The following XIRP2 variants were observed in gnomAD, a reference collection of about 807,000 sequenced individuals.
XIRP2 encodes the protein xin actin-binding repeat-containing protein 2.
A neutral mutation model predicts 277.0 loss-of-function variants in XIRP2; 236 were observed. The ratio of observed to expected loss-of-function variants is 0.85; its 90% confidence interval spans 0.77 to 0.95. The LOEUF is 0.95. Ranked by LOEUF, XIRP2 falls within the 40% of genes least tolerant of loss-of-function variation. The pLI is 0.00. For missense variants in XIRP2, 4,640 were observed against 4,157.5 expected, an observed-to-expected ratio of 1.12 and a Z score of -3.19; for synonymous variants, 1,490 against 1,416.5, an observed-to-expected ratio of 1.05 and a Z score of -1.17.
chr2:166,971,187 TA>T (rs897540608), intron 2 of XIRP2, among the ~76,000 whole-genome samples: 5 of 152,040 alleles, frequency 3.3e-5, no homozygotes, highest in African/African-American at 9.7e-5. Flanking sequence ...TTAAATTAAT[TA>T]AAAAATTAAT....
chr2:166,981,237 T>C (rs1329278967), intron 2 of XIRP2, among the ~76,000 whole-genome samples: 1 of 152,154 alleles, frequency 6.6e-6, no homozygotes, highest in Non-Finnish European at 1.5e-5. Context: ...CAAGGTGTTA[T>C]CAGGGCTATG....
intron 2 of XIRP2, among the ~76,000 whole-genome samples, chr2:166,924,034 C>T (rs1685123329): frequency 6.6e-6 from 1 of 151,664 alleles, no homozygotes; most frequent in Non-Finnish European, 1.5e-5. Context: ...ACAGATATGC[C>T]CTGAAAAAAA....
chr2:166,924,876 A>G (rs971661107), intron 2 of XIRP2, among the ~76,000 whole-genome samples: 2 of 152,066 alleles, frequency 1.3e-5, no homozygotes, highest in African/African-American at 4.8e-5. Flanking sequence ...GTTCCATAGA[A>G]CTACCATTTA....
At chr2:166,942,879 A>G (rs927060694) in intron 2 of XIRP2, among the ~76,000 whole-genome samples, 1 of 152,190 alleles carries the variant, frequency 6.6e-6, no homozygotes, top group Admixed American at 6.5e-5. Context: ...ATAATTAACA[A>G]CATCAAAATA....
At chr2:167,127,138 A>T (rs971869396) in intron 2 of XIRP2, among the ~76,000 whole-genome samples, 3 of 152,042 alleles carry the variant, frequency 2.0e-5, no homozygotes, top group African/African-American at 7.2e-5. Flanking sequence ...TTTTTTTCTT[A>T]AACTCCCTGC....
chr2:167,171,688 C>A (rs139557895), intron 3 of XIRP2, among the ~76,000 whole-genome samples: 432 of 152,152 alleles, frequency 2.8e-3, no homozygotes, highest in African/African-American at 9.3e-3. Context: ...GAATTTATTT[C>A]TTCCTTAGTT....
chr2:167,184,671 G>C, intron 3 of XIRP2: 1 of 711,758 alleles, frequency 1.4e-6, no homozygotes. Context: ...GAATTGTACT[G>C]CTTCTGGGTC....
chr2:167,110,440 G>A (rs1028094144), intron 2 of XIRP2, among the ~76,000 whole-genome samples: 1 of 152,074 alleles, frequency 6.6e-6, no homozygotes, highest in Non-Finnish European at 1.5e-5. Flanking sequence ...TTTCTTCATT[G>A]CTTGTTTTTG....
At chr2:166,914,372 G>A (rs1325829912) in intron 2 of XIRP2, among the ~76,000 whole-genome samples, 17 of 152,148 alleles carry the variant, frequency 1.1e-4, no homozygotes, top group Admixed American at 5.2e-4. Flanking sequence ...ATGGAGTCTC[G>A]CTCTGTCACC....
intron 2 of XIRP2, among the ~76,000 whole-genome samples, chr2:167,042,316 C>T (rs1311587756): frequency 6.6e-6 from 1 of 152,118 alleles, no homozygotes; most frequent in Admixed American, 6.5e-5. Context: ...AACATAATGA[C>T]AGGATCAAAT....
intron 2 of XIRP2, among the ~76,000 whole-genome samples, chr2:167,029,894 A>T (rs573064900): frequency 6.6e-6 from 1 of 151,944 alleles, no homozygotes; most frequent in Non-Finnish European, 1.5e-5. Context: ...CTTGTTATTC[A>T]TCAGTTCAGG....
intron 2 of XIRP2, among the ~76,000 whole-genome samples, chr2:167,132,752 C>T (rs1174120065): frequency 4.6e-5 from 7 of 152,132 alleles, no homozygotes; most frequent in Non-Finnish European, 1.0e-4. Flanking sequence ...CTGGAAAGCT[C>T]TTCACGTAGT....
chr2:167,161,012 G>T (rs1692347462), intron 3 of XIRP2, among the ~76,000 whole-genome samples: 1 of 152,180 alleles, frequency 6.6e-6, no homozygotes, highest in African/African-American at 2.4e-5. Context: ...TAGGCCCCAG[G>T]CAAGTCCAAA....
At chr2:167,003,208 G>C (rs546113938) in intron 2 of XIRP2, among the ~76,000 whole-genome samples, 1 of 149,308 alleles carries the variant, frequency 6.7e-6, no homozygotes, top group South Asian at 2.1e-4. Flanking sequence ...ACAAACACTT[G>C]TGTAGGACTG....
intron 2 of XIRP2, among the ~76,000 whole-genome samples, chr2:166,998,962 G>A (rs982561574): frequency 6.6e-6 from 1 of 151,980 alleles, no homozygotes; most frequent in African/African-American, 2.4e-5. Flanking sequence ...AAATATTAAG[G>A]TAATTAAATC....
chr2:167,113,543 T>C (rs1690818480), intron 2 of XIRP2, among the ~76,000 whole-genome samples: 1 of 152,196 alleles, frequency 6.6e-6, no homozygotes, highest in East Asian at 1.9e-4. Flanking sequence ...TGTCATTGCA[T>C]GTGAGTGGGT....
chr2:166,925,888 A>G (rs1011528787), intron 2 of XIRP2, among the ~76,000 whole-genome samples: 12 of 151,678 alleles, frequency 7.9e-5, no homozygotes, highest in Admixed American at 3.3e-4. Context: ...TGGGCAAAAC[A>G]GGAAGACCCC....
At chr2:167,116,353 C>T (rs778074505) in intron 2 of XIRP2, among the ~76,000 whole-genome samples, 20 of 152,074 alleles carry the variant, frequency 1.3e-4, no homozygotes, top group Non-Finnish European at 2.9e-4. Flanking sequence ...ATTGAAATGC[C>T]TTTTGATCGA....
At chr2:167,179,736 C>T (rs1692958041) in intron 3 of XIRP2, among the ~76,000 whole-genome samples, 1 of 151,716 alleles carries the variant, frequency 6.6e-6, no homozygotes, top group African/African-American at 2.4e-5. Context: ...GACTTCAGAG[C>T]TCAAGAGATG....
Sources: allele counts gnomAD v4.1 joint callset (sites outside exome capture counted in the v4.1 genomes callset), GRCh38; gene constraint gnomAD v4.1.1; transcripts MANE v1.5; gene names NCBI Gene and HGNC (gene_info 2026-07-23, HGNC 2026-07-21).